ERN2: variants seen among roughly 807,000 people sequenced by gnomAD.
The protein encoded by ERN2 is endoplasmic reticulum to nucleus signaling 2, also known as serine/threonine-protein kinase/endoribonuclease IRE2.
Under a neutral mutation model 107.9 loss-of-function variants are expected in ERN2, and 111 were observed. The observed-to-expected ratio is 1.03, with a 90% CI of 0.88 to 1.20. The LOEUF is 1.20. Among genes scored for constraint, ERN2 ranks in the 50% most tolerant of loss-of-function variants. ERN2 has a pLI of 0.00. For missense variants in ERN2, 1,225 were observed against 1,197.9 expected (o/e 1.02, Z -0.33); for synonymous variants, 524 against 501.7 (o/e 1.04, Z -0.59).
intron 6 of ERN2, 56 bp downstream of exon 6, chr16:23,706,698 G>A (rs1960328551): frequency 1.6e-6 from 2 of 1,245,160 alleles, no homozygotes; most frequent in Admixed American, 2.0e-5. Context: ...CTAGATCTCA[G>A]CAGAGCAAAA....
Position 23,695,344 on chromosome 16 carries a change from G to A in ERN2, c.1656C>T (p.Arg552=). 6.2e-7 allele frequency: 1 copy of A among 1,610,256 alleles called. No homozygotes were observed. The highest frequency in any genetic ancestry group is 8.5e-7 in the Non-Finnish European group (1 of 1,178,482). The change falls in exon 15 of 22, where the codon CGC becomes CGT. Residue 552 remains arginine (R), a synonymous_variant. Coordinates refer to ENST00000256797, the MANE Select transcript of ERN2 (RefSeq NM_033266.4). ...CCCGCCGAACCAGGCCAAAGCACTC[G>A]CGGAGGAGCCGCTTGACAGCCACTG... ...GRAVAVKRLL[R]ECFGLVRREV...
At chr16:23,704,346 G>A (rs1475913347) in intron 8 of ERN2, among the ~76,000 whole-genome samples, 2 of 152,124 alleles carry the variant, frequency 1.3e-5, no homozygotes, top group Admixed American at 6.5e-5. Flanking sequence ...GTAGGGACCC[G>A]GTGGGAGGTA....
chr16:23,695,933 T>C lies in ERN2; in HGVS notation c.1571A>G (p.Asp524Gly). Reference protein sequence around the residue: ...VVGKISFNPKDVLGRGAGGTF... With the variant: ...VVGKISFNPKGVLGRGAGGTF... The stretch of plus-strand genomic sequence containing the variant: ...CCCGCCTGCCCCGCGGCCCAGCACG[T>C]CCTTGGGATTGAAGGAAATCTTCCC... Residue 524 changes from aspartate (D) to glycine (G), a missense_variant, in exon 14 of 22, where the codon GAC becomes GGC. By Grantham distance (94) the Asp-to-Gly change is moderately conservative. Coordinates refer to ENST00000256797, the MANE Select transcript of ERN2 (RefSeq NM_033266.4). The C allele has an allele frequency of 1.2e-6, 2 of 1,614,170 alleles. No homozygotes were observed. The highest frequency in any genetic ancestry group is 1.7e-6 in the Non-Finnish European group (2 of 1,180,014).
At chr16:23,698,070 T>C (rs558139601) in intron 13 of ERN2, among the ~76,000 whole-genome samples, 2 of 152,340 alleles carry the variant, frequency 1.3e-5, no homozygotes, top group South Asian at 4.1e-4. Context: ...ACAGTCAGAA[T>C]TACCTCTGGA....
chr16:23,693,966 G>A (rs1263827309), intron 17 of ERN2, among the ~76,000 whole-genome samples: 1 of 152,110 alleles, frequency 6.6e-6, no homozygotes, highest in African/African-American at 2.4e-5. Context: ...TAAAAATCAC[G>A]GGGTGTGGGG....
chr16:23,695,573 T>C (rs1480011589), intron 14 of ERN2, among the ~76,000 whole-genome samples, 184 bp from the exon 15 acceptor site: 1 of 150,872 alleles, frequency 6.6e-6, no homozygotes, highest in Admixed American at 6.6e-5. Context: ...CTAAAAAAAA[T>C]ATAAAAATTA....
At chr16:23,693,175 T>C (rs1433487659) in intron 17 of ERN2, among the ~76,000 whole-genome samples, 1 of 151,964 alleles carries the variant, frequency 6.6e-6, no homozygotes, top group African/African-American at 2.4e-5. Flanking sequence ...GTGCCTGTAG[T>C]CCCAGCTACT....
At chr16:23,710,620 C>G in intron 2 of ERN2, 71 bp from the exon 3 acceptor site, 2 of 1,503,270 alleles carry the variant, frequency 1.3e-6, no homozygotes, top group Non-Finnish European at 1.9e-6. Context: ...CTCATATTCA[C>G]TGAGCTATGG....
chr16:23,694,559 TAGA>T (rs1317211144), intron 17 of ERN2, among the ~76,000 whole-genome samples, 166 bp downstream of exon 17: 1 of 152,150 alleles, frequency 6.6e-6, no homozygotes. Flanking sequence ...GATACTGCTG[TAGA>T]AGGAGGGACA....
intron 1 of ERN2, chr16:23,711,870 C>G (rs1365040940): frequency 4.9e-6 from 1 of 202,872 alleles, no homozygotes; most frequent in Non-Finnish European, 1.1e-5. Context: ...TTCTGCCTCC[C>G]CAAACCAGCC....
rs781351929 is a variant in ERN2 at position 23,702,281 on chromosome 16, G to A, written c.1082-8C>T. 18 of 1,613,778 alleles carry A rather than the reference G, an allele frequency of 1.1e-5. No individual in the cohort carries two copies. The highest frequency in any genetic ancestry group is 1.1e-4 in the South Asian group (10 of 91,052). On this transcript the variant is annotated splice_region_variant and splice_polypyrimidine_tract_variant and intron_variant, in intron 10 of 21. Transcript: ENST00000256797. ...GGGGTAGCTCGTGGTGTCCTAAGGT[G>A]GGGGGCAAAAGTCATCAGGCTGAAG...
intron 4 of ERN2, chr16:23,709,507 G>T: frequency 4.2e-6 from 1 of 236,412 alleles, no homozygotes; most frequent in South Asian, 4.9e-5. Context: ...TCTCAGCTTG[G>T]CCATGTGACC....
In ERN2 at chr16:23,695,980, T is replaced by G. The variant is rs766533567; in HGVS notation, c.1526-2A>C. 3 of 1,613,406 alleles carry G rather than the reference T, an allele frequency of 1.9e-6. No individual in the cohort carries two copies. Among genetic ancestry groups the G allele is most frequent in the Non-Finnish European group, 2.5e-6 (3 of 1,179,426 alleles). ...TCCCCACTACGGTGAGTTGCTCAGCTGGGGGAGAGGAGGGTGGTGACTCAG... is the reference window on the plus strand; with the variant it reads ...TCCCCACTACGGTGAGTTGCTCAGCGGGGGGAGAGGAGGGTGGTGACTCAG... On this transcript the variant is annotated splice_acceptor_variant, in intron 13 of 21. Transcript: ENST00000256797. LOFTEE classifies it high-confidence loss of function.
Position 23,691,436 on chromosome 16 carries a change from G to T in ERN2, c.2377-11C>A. 1 of 1,597,420 alleles carries T rather than the reference G, an allele frequency of 6.3e-7. No individual in the cohort carries two copies. On this transcript the variant is annotated splice_polypyrimidine_tract_variant and intron_variant, in intron 19 of 21. Transcript: ENST00000256797. ...CCAGTCACTGACGTCCTGGGGCCCA[G>T]AGAGCTCCTGAGCCTTGTGACCGGG...
At position 23,690,973 on chromosome 16, in the gene ERN2, T is replaced by C. The variant is rs775088320; in HGVS notation, c.2639A>G (p.Gln880Arg). ...CCGTGGGAAGCGGTTTGTGAAGTAC[T>C]GGACGAAGCCATCAGGGACTTGGCC... ...ALGQVPDGFVQYFTNRFPRLL... is the reference protein window; with the variant it reads ...ALGQVPDGFVRYFTNRFPRLL... Residue 880 changes from glutamine (Q) to arginine (R), a missense_variant, in exon 22 of 22, where the codon CAG (glutamine) becomes CGG (arginine). Coordinates refer to ENST00000256797, the MANE Select transcript of ERN2 (RefSeq NM_033266.4). The C allele has an allele frequency of 1.0e-4, 166 of 1,614,036 alleles. No individual in the cohort carries two copies. The highest frequency in any genetic ancestry group is 1.3e-4 in the Non-Finnish European group (152 of 1,180,036).
chr16:23,692,905 A>G (rs1959656641), intron 17 of ERN2, among the ~76,000 whole-genome samples: 1 of 151,658 alleles, frequency 6.6e-6, no homozygotes, highest in Non-Finnish European at 1.5e-5. Context: ...TTGTTTGTAG[A>G]GATGGGTCTT....
chr16:23,694,651 G>A (rs751606129), intron 17 of ERN2, 77 bp downstream of exon 17: 239 of 1,261,334 alleles, frequency 1.9e-4, no homozygotes, highest in Middle Eastern at 2.7e-4. Context: ...GTCTCCTCAG[G>A]AGGGGAACTG....
At chr16:23,700,428 G>T in intron 13 of ERN2, 111 bp downstream of exon 13, 1 of 1,057,404 alleles carries the variant, frequency 9.5e-7, no homozygotes, top group Non-Finnish European at 1.4e-6. Flanking sequence ...CTTAATTCAT[G>T]TAGACCTAAC....
chr16:23,710,991 G>A lies in ERN2; in HGVS notation c.121C>T (p.Leu41=), dbSNP rs1362694903. 1 of 1,613,970 alleles carries A rather than the reference G, an allele frequency of 6.2e-7. No homozygotes were observed. The highest frequency in any genetic ancestry group is 8.5e-7 in the Non-Finnish European group (1 of 1,179,962). The change falls in exon 2 of 22, where the codon CTG becomes TTG. Residue 41 remains leucine, a synonymous_variant. Coordinates refer to ENST00000256797, the MANE Select transcript of ERN2 (RefSeq NM_033266.4). Reference sequence around the variant, plus strand: ...CTTCCATCCAAGGTGGACACCAGCAGGAGGTTCTCTGGCCTGAGAGTATGA... The same window carrying A: ...CTTCCATCCAAGGTGGACACCAGCAAGAGGTTCTCTGGCCTGAGAGTATGA... ...QVHTLRPENL[L]LVSTLDGSLH...
Sources: allele counts gnomAD v4.1 joint callset (sites outside exome capture counted in the v4.1 genomes callset), GRCh38; gene constraint gnomAD v4.1.1; transcripts MANE v1.5; gene names NCBI Gene and HGNC (gene_info 2026-07-23, HGNC 2026-07-21).